KCNH8: variants seen among roughly 807,000 people sequenced by gnomAD.
The protein encoded by KCNH8 is voltage-gated delayed rectifier potassium channel KCNH8.
KCNH8 carries 70 observed loss-of-function variants against 103.6 expected under a neutral mutation model. The ratio of observed to expected loss-of-function variants is 0.68; its 90% CI spans 0.56 to 0.82. The LOEUF (loss-of-function observed/expected upper bound fraction) is 0.82, where lower values mean the gene tolerates loss of function less well. Among genes scored for constraint, KCNH8 ranks in the 40% least tolerant of loss-of-function variants. The pLI, the probability that KCNH8 is intolerant of heterozygous loss-of-function variation, is 0.00. For missense variants in KCNH8, 1,217 were observed against 1,329.9 expected (o/e 0.92, Z 1.32); for synonymous variants, 498 against 489.4 (o/e 1.02, Z -0.23).
chr3:19,415,404 CTTT>C (rs36068858), intron 7 of KCNH8, among the ~76,000 whole-genome samples: 3 of 120,796 alleles, frequency 2.5e-5, no homozygotes, highest in African/African-American at 6.1e-5. Context: ...TCTCAATGAG[CTTT>C]TTTTTTTTTT....
intron 6 of KCNH8, 116 bp from the exon 7 acceptor site, chr3:19,394,988 A>G: frequency 1.4e-6 from 1 of 737,478 alleles, no homozygotes; most frequent in Non-Finnish European, 2.4e-6. Flanking sequence ...TCATAAAAAT[A>G]ATAATATGAA....
At chr3:19,259,355 T>C (rs1021219493) in intron 2 of KCNH8, among the ~76,000 whole-genome samples, 1 of 151,914 alleles carries the variant, frequency 6.6e-6, no homozygotes, top group Non-Finnish European at 1.5e-5. Context: ...TAAGCTTTTT[T>C]TAAATTAGAA....
chr3:19,375,106 G>T (rs1011093995), intron 5 of KCNH8, among the ~76,000 whole-genome samples: 4 of 151,538 alleles, frequency 2.6e-5, no homozygotes, highest in African/African-American at 9.7e-5. Context: ...TTCTCAAGGA[G>T]TATCTTTGTG....
intron 1 of KCNH8, among the ~76,000 whole-genome samples, chr3:19,202,859 T>C (rs1486058923): frequency 1.3e-5 from 2 of 152,146 alleles, no homozygotes; most frequent in African/African-American, 2.4e-5. Context: ...TAACATGTAA[T>C]GTGCACAAAA....
intron 5 of KCNH8, among the ~76,000 whole-genome samples, chr3:19,355,289 T>C (rs970348215): frequency 1.3e-5 from 2 of 152,236 alleles, no homozygotes; most frequent in Non-Finnish European, 2.9e-5. Flanking sequence ...TTGGTGGGAC[T>C]GTAAACTAGT....
At chr3:19,443,426 ATG>A (rs1456668126) in intron 8 of KCNH8, among the ~76,000 whole-genome samples, 18 of 150,558 alleles carry the variant, frequency 1.2e-4, no homozygotes, top group Non-Finnish European at 2.1e-4. Flanking sequence ...ATATACACAT[ATG>A]TGTGTGTATA....
chr3:19,496,769 T>A (rs1448514476), intron 11 of KCNH8, among the ~76,000 whole-genome samples: 1 of 152,150 alleles, frequency 6.6e-6, no homozygotes, highest in Non-Finnish European at 1.5e-5. Context: ...AGGAATGATA[T>A]CAGCTTTTCT....
intron 1 of KCNH8, among the ~76,000 whole-genome samples, chr3:19,163,394 T>C (rs1372430126): frequency 6.6e-6 from 1 of 150,494 alleles, no homozygotes; most frequent in Non-Finnish European, 1.5e-5. Context: ...AACCAAATAC[T>C]TAAAGAATTA....
intron 1 of KCNH8, among the ~76,000 whole-genome samples, chr3:19,162,386 A>G (rs906911095): frequency 1.3e-5 from 2 of 150,856 alleles, no homozygotes; most frequent in African/African-American, 4.9e-5. Flanking sequence ...GTATCTGGGC[A>G]TGGTGGTGCA....
intron 3 of KCNH8, among the ~76,000 whole-genome samples, chr3:19,300,068 G>T (rs761866139): frequency 1.3e-5 from 2 of 151,970 alleles, no homozygotes; most frequent in Non-Finnish European, 2.9e-5. Flanking sequence ...GGCCAACATG[G>T]CGAAACCCCA....
At chr3:19,424,240 C>G (rs1357779459) in intron 7 of KCNH8, among the ~76,000 whole-genome samples, 2 of 152,082 alleles carry the variant, frequency 1.3e-5, no homozygotes, top group Non-Finnish European at 2.9e-5. Context: ...ACCAAAACAG[C>G]ATGGTACTGG....
chr3:19,506,531 T>G (rs1379769258), intron 11 of KCNH8, among the ~76,000 whole-genome samples: 1 of 152,150 alleles, frequency 6.6e-6, no homozygotes, highest in African/African-American at 2.4e-5. Context: ...CCTCTGTATT[T>G]CCTCATGATT....
At chr3:19,470,456 G>A (rs1040187290) in intron 11 of KCNH8, among the ~76,000 whole-genome samples, 6 of 152,172 alleles carry the variant, frequency 3.9e-5, no homozygotes, top group Non-Finnish European at 8.8e-5. Flanking sequence ...TCAGACATCA[G>A]CTCTTCAATT....
intron 11 of KCNH8, among the ~76,000 whole-genome samples, chr3:19,461,804 C>T (rs6777740): frequency 0.74 from 111,823 of 151,940 alleles, 42,387 homozygotes; most frequent in African/African-American, 0.93. Flanking sequence ...CTCCTAATGT[C>T]ATCCCTCCCC....
intron 11 of KCNH8, among the ~76,000 whole-genome samples, chr3:19,494,238 A>G (rs1468409002): frequency 6.6e-6 from 1 of 152,180 alleles, no homozygotes; most frequent in African/African-American, 2.4e-5. Flanking sequence ...ATCCAGTGAT[A>G]GGTATCCCCA....
At chr3:19,369,002 A>G (rs967968458) in intron 5 of KCNH8, among the ~76,000 whole-genome samples, 1 of 151,904 alleles carries the variant, frequency 6.6e-6, no homozygotes, top group Non-Finnish European at 1.5e-5. Flanking sequence ...GACCTTTCCT[A>G]CTATAGTATA....
intron 1 of KCNH8, among the ~76,000 whole-genome samples, chr3:19,193,619 G>C (rs979781471): frequency 6.6e-6 from 1 of 151,642 alleles, no homozygotes; most frequent in Non-Finnish European, 1.5e-5. Context: ...AAAAGGTACA[G>C]GTAGATATAC....
chr3:19,489,278 G>A (rs930716177), intron 11 of KCNH8, among the ~76,000 whole-genome samples: 1 of 152,038 alleles, frequency 6.6e-6, no homozygotes, highest in Non-Finnish European at 1.5e-5. Context: ...GATTCTTCTG[G>A]TGTTGGGACA....
At chr3:19,406,614 A>AT (rs897290437) in intron 7 of KCNH8, among the ~76,000 whole-genome samples, 6 of 151,958 alleles carry the variant, frequency 3.9e-5, no homozygotes, top group East Asian at 1.9e-4. Context: ...TAATTGCTGT[A>AT]TTTTTTTCAA....
Sources: gnomAD v4.1 joint callset for allele counts (sites outside exome capture counted in the v4.1 genomes callset) on GRCh38, gnomAD v4.1.1 for gene constraint, MANE v1.5 for transcripts, NCBI Gene and HGNC (gene_info 2026-07-23, HGNC 2026-07-21) for gene names.